The following TF variants were observed in gnomAD, a reference collection of about 807,000 sequenced individuals.
TF encodes the protein serotransferrin.
In TF, 55 loss-of-function variants were observed where a neutral mutation model predicts 82.4. That is an observed-to-expected ratio of 0.67 (90% CI 0.54 to 0.84). The LOEUF is 0.84. Ranked by LOEUF, TF falls within the 40% of genes least tolerant of loss-of-function variation. TF has a pLI of 0.00. For missense variants in TF, 737 were observed against 868.4 expected (o/e 0.85, Z 1.90); for synonymous variants, 332 against 332.6 (o/e 1.00, Z 0.02).
chr3:133,783,512 A>AT lies in TF; in HGVS notation c.*4893dup, dbSNP rs1470777740. On this transcript the variant is annotated 3_prime_UTR_variant, in exon 17 of 17. Coordinates refer to ENST00000402696, the MANE Select transcript of TF (RefSeq NM_001063.4). Reference sequence around the variant, plus strand: ...TCGTAAAAACAATTACTATGTTAACATATTTCTTATATAGTACTTAGATTT... The same window carrying AT: ...TCGTAAAAACAATTACTATGTTAACATTATTTCTTATATAGTACTTAGATTT... 6.6e-6 allele frequency: 1 copy of AT among 152,256 alleles called. No individual in the cohort carries two copies. Among genetic ancestry groups the AT allele is most frequent in the African/African-American group, 2.4e-5 (1 of 41,468 alleles). The allele number at this position is 152,256 out of a possible 1,614,324, so 9.4% of individuals were successfully genotyped here. A position where few individuals can be genotyped will look rare whatever the true frequency, so the allele number is the denominator to read the frequency against.
upstream of TF, chr3:133,746,340 C>T: frequency 1.4e-6 from 2 of 1,418,000 alleles, no homozygotes; most frequent in African/African-American, 2.8e-5. Flanking sequence ...AGATTGCGCC[C>T]AGCCCGCCCA....
Position 133,784,459 on chromosome 3 carries a change from C to A in TF, c.*5839C>A, listed in dbSNP as rs1160434432. 1.0e-5 allele frequency: 1 copy of A among 97,364 alleles called. No individual in the cohort carries two copies. Among genetic ancestry groups the A allele is most frequent in the Non-Finnish European group, 2.0e-5 (1 of 49,372 alleles). The allele number at this position is 97,364 out of a possible 1,614,324, so 6.0% of individuals were successfully genotyped here. A position where few individuals can be genotyped will look rare whatever the true frequency, so the allele number is the denominator to read the frequency against. On this transcript the variant is annotated 3_prime_UTR_variant, in exon 17 of 17. Coordinates refer to ENST00000402696, the MANE Select transcript of TF (RefSeq NM_001063.4). ...GAAAATCACACATCTTGTAAATTCC[C>A]ATTTGTTAAAAAAATAATAATAATA...
At position 133,787,566 on chromosome 3, in the gene TF, T is replaced by G. The variant is rs1330352402; in HGVS notation, c.*8946T>G. 6.6e-6 allele frequency: 1 copy of G among 152,222 alleles called. No individual in the cohort carries two copies. Among genetic ancestry groups the G allele is most frequent in the Non-Finnish European group, 1.5e-5 (1 of 68,030 alleles). The allele number at this position is 152,222 out of a possible 1,614,324, so 9.4% of individuals were successfully genotyped here. On this transcript the variant is annotated 3_prime_UTR_variant, in exon 17 of 17. Transcript: ENST00000402696. ...ATAGTATAATAACACTTTTTGTAAA[T>G]AGCTTTTAAAAACTGATGGGAAATA...
intron 3 of TF, 116 bp downstream of exon 3, chr3:133,753,819 G>A: frequency 1.1e-6 from 1 of 874,122 alleles, no homozygotes; most frequent in South Asian, 1.4e-5. Flanking sequence ...TCTTTGGAGA[G>A]TGAGTAGAGA....
chr3:133,689,684 T>TAGA, the TF span, among the ~76,000 whole-genome samples: 1 of 152,172 alleles, frequency 6.6e-6, no homozygotes, highest in African/African-American at 2.4e-5. Flanking sequence ...GGCACATATA[T>TAGA]AGAAGACCCA....
rs1266848043 is a variant in TF at position 133,791,259 on chromosome 3, A to C, written c.*12639A>C. ...TGTTTATGATACTTTAAGTGTGTTG[A>C]GTATATTTTCATAAACAGAATTTGA... On this transcript the variant is annotated 3_prime_UTR_variant, in exon 17 of 17. Transcript: ENST00000402696. 1 of 152,174 alleles carries C rather than the reference A, an allele frequency of 6.6e-6. No individual in the cohort carries two copies. The highest frequency in any genetic ancestry group is 1.5e-5 in the Non-Finnish European group (1 of 68,028). 9.4% of individuals were successfully genotyped at this position (152,174 alleles called of 1,614,324 possible). A position where few individuals can be genotyped will look rare whatever the true frequency, so the allele number is the denominator to read the frequency against.
At chr3:133,728,288 C>T in the TF span, among the ~76,000 whole-genome samples, 5 of 152,236 alleles carry the variant, frequency 3.3e-5, no homozygotes, top group Non-Finnish European at 2.9e-5. Context: ...CTTTCAGGTA[C>T]ACCAATCAGA....
chr3:133,664,909 C>G, the TF span: 3 of 151,746 alleles, frequency 2.0e-5, no homozygotes, highest in African/African-American at 7.3e-5. Context: ...GATATGCCCT[C>G]GGAAGCTGAG....
At chr3:133,757,638 G>A (rs1933872549) in intron 7 of TF, 131 bp from the exon 8 acceptor site, 13 of 867,320 alleles carry the variant, frequency 1.5e-5, no homozygotes, top group East Asian at 2.6e-5. Context: ...GAGCAGGTCC[G>A]ACTGCCCTCT....
chr3:133,690,200 C>A, the TF span, among the ~76,000 whole-genome samples: 1 of 148,634 alleles, frequency 6.7e-6, no homozygotes, highest in South Asian at 2.1e-4. Flanking sequence ...CTAAGCATGC[C>A]AAAAAAAAAT....
At chr3:133,691,531 G>A in the TF span, among the ~76,000 whole-genome samples, 2 of 152,186 alleles carry the variant, frequency 1.3e-5, no homozygotes, top group Admixed American at 6.5e-5. Flanking sequence ...CAGCATACAC[G>A]AGATGGTAGT....
intron 14 of TF, chr3:133,774,291 G>A (rs914221777): frequency 2.0e-5 from 3 of 152,096 alleles, no homozygotes; most frequent in Non-Finnish European, 4.4e-5. Flanking sequence ...TTATATGCCA[G>A]TAACACTCAT....
In TF at chr3:133,785,747, A is replaced by AATGGCGGCCC; in HGVS notation, c.*7136_*7137insCATGGCGGCC. On this transcript the variant is annotated 3_prime_UTR_variant, in exon 17 of 17. Transcript: ENST00000402696. ...CTCATTGAGAACGGGCCAGGATGAC[A>AATGGCGGCCC]ATGGCGGCCTTGTGGAATAGAAAGG... 1.5e-5 allele frequency: 1 copy of AATGGCGGCCC among 65,008 alleles called. No homozygotes were observed. Among genetic ancestry groups the AATGGCGGCCC allele is most frequent in the Non-Finnish European group, 3.4e-5 (1 of 29,682 alleles). The allele number at this position is 65,008 out of a possible 1,614,324, so 4.0% of individuals were successfully genotyped here. A position where few individuals can be genotyped will look rare whatever the true frequency, so the allele number is the denominator to read the frequency against.
chr3:133,704,275 G>T, the TF span: 1 of 229,064 alleles, frequency 4.4e-6, no homozygotes, highest in South Asian at 7.8e-5. Context: ...CTACATAGCA[G>T]GGAAATGTGG....
chr3:133,740,445 C>T, the TF span, among the ~76,000 whole-genome samples: 3 of 152,044 alleles, frequency 2.0e-5, no homozygotes, highest in Non-Finnish European at 2.9e-5. Flanking sequence ...ATTCTCATGC[C>T]TCAGCCTCCC....
In TF at chr3:133,779,762, G is replaced by C. The variant is rs1445005834; in HGVS notation, c.*1142G>C. ...TTATACATCCTACTACCTACCTGTG[G>C]GTCTATACTCGAGTCTTGCAGCAGT... On this transcript the variant is annotated 3_prime_UTR_variant, in exon 17 of 17. Coordinates refer to ENST00000402696, the MANE Select transcript of TF (RefSeq NM_001063.4). The C allele has an allele frequency of 6.6e-6, 1 of 152,030 alleles. No homozygotes were observed. The highest frequency in any genetic ancestry group is 1.5e-5 in the Non-Finnish European group (1 of 68,054). 9.4% of individuals were successfully genotyped at this position (152,030 alleles called of 1,614,324 possible).
At chr3:133,668,399 C>T in the TF span, among the ~76,000 whole-genome samples, 1 of 152,164 alleles carries the variant, frequency 6.6e-6, no homozygotes, top group Admixed American at 6.5e-5. Flanking sequence ...AAAGGAGCTC[C>T]TGTCACAGAA....
the TF span, among the ~76,000 whole-genome samples, chr3:133,697,277 G>T: frequency 6.6e-6 from 1 of 151,386 alleles, no homozygotes; most frequent in African/African-American, 2.4e-5. Context: ...ATTACACATT[G>T]ACTACAATTA....
At chr3:133,736,631 C>CAAAAAAGAAAAAAAA in the TF span, among the ~76,000 whole-genome samples, 527 of 32,532 alleles carry the variant, frequency 0.016, 32 homozygotes, top group East Asian at 0.029. Flanking sequence ...AATGGAAAGC[C>CAAAAAAGAAAAAAAA]AAAAAAAAAA....
Sources: gnomAD v4.1 joint callset for allele counts (sites outside exome capture counted in the v4.1 genomes callset) on GRCh38, gnomAD v4.1.1 for gene constraint, MANE v1.5 for transcripts, NCBI Gene and HGNC (gene_info 2026-07-23, HGNC 2026-07-21) for gene names.